ANXA8: variants seen among roughly 807,000 people sequenced by gnomAD.
ANXA8 encodes VAC-beta.
ANXA8 carries 9 observed loss-of-function variants against 26.8 expected under a neutral mutation model. The ratio of observed to expected loss-of-function variants is 0.34; its 90% confidence interval spans 0.20 to 0.59. The LOEUF is 0.59. Among genes scored for constraint, ANXA8 ranks in the 20% least tolerant of loss-of-function variants. ANXA8 has a pLI of 0.84. For synonymous variants in ANXA8, 39 were observed against 94.8 expected, an observed-to-expected ratio of 0.41 and a Z score of 3.42; for missense variants, 83 against 238.5, an observed-to-expected ratio of 0.35 and a Z score of 4.29.
the ANXA8 span, among the ~76,000 whole-genome samples, chr10:47,737,549 C>G: frequency 1.2e-4 from 18 of 151,906 alleles, no homozygotes; most frequent in Non-Finnish European, 1.3e-4. Flanking sequence ...CAGAACCATA[C>G]AGTTAGAATT....
the ANXA8 span, chr10:47,563,801 T>C: frequency 2.9e-6 from 2 of 694,654 alleles, no homozygotes; most frequent in Non-Finnish European, 5.2e-6. Context: ...TTTTTTAAGT[T>C]GTACTCTTTA....
the ANXA8 span, among the ~76,000 whole-genome samples, chr10:47,500,936 CAGGCTGG>C: frequency 8.7e-6 from 1 of 114,680 alleles, no homozygotes; most frequent in African/African-American, 3.6e-5. Context: ...CTTGGTCGCC[CAGGCTGG>C]AGTGCAGTGG....
chr10:47,485,851 G>A (rs1241924405), upstream of ANXA8, among the ~76,000 whole-genome samples: 1 of 151,914 alleles, frequency 6.6e-6, no homozygotes. Context: ...GCTCACGCCT[G>A]TAATCCCAGC....
At chr10:47,673,740 A>G in the ANXA8 span, among the ~76,000 whole-genome samples, 1 of 151,834 alleles carries the variant, frequency 6.6e-6, no homozygotes, top group Non-Finnish European at 1.5e-5. Flanking sequence ...TAGTATAGAG[A>G]GTTCCCATAA....
chr10:47,733,229 T>TTCTCTCTCTC, the ANXA8 span, among the ~76,000 whole-genome samples: 3 of 67,852 alleles, frequency 4.4e-5, no homozygotes, highest in Non-Finnish European at 3.0e-5. Context: ...TTCTCTTTCT[T>TTCTCTCTCTC]TCTCTCTTTC....
the ANXA8 span, among the ~76,000 whole-genome samples, chr10:47,743,221 C>T: frequency 7.5e-6 from 1 of 132,814 alleles, no homozygotes; most frequent in African/African-American, 2.8e-5. Flanking sequence ...TCAATGCAAT[C>T]CCAATCAAAA....
chr10:47,637,477 C>G, the ANXA8 span, among the ~76,000 whole-genome samples: 1 of 148,896 alleles, frequency 6.7e-6, no homozygotes, highest in Admixed American at 6.6e-5. Context: ...TCTGCTTACA[C>G]AGAAAATCTG....
At chr10:47,560,616 C>T in the ANXA8 span, among the ~76,000 whole-genome samples, 1 of 151,926 alleles carries the variant, frequency 6.6e-6, no homozygotes, top group Admixed American at 6.6e-5. Flanking sequence ...CCAGATTCCC[C>T]ATGTGCGATG....
chr10:47,679,941 T>TA, the ANXA8 span, among the ~76,000 whole-genome samples: 1 of 152,070 alleles, frequency 6.6e-6, no homozygotes, highest in East Asian at 1.9e-4. Context: ...AAACCAATGT[T>TA]ACAATGAGAA....
At chr10:47,761,109 C>CAT in the ANXA8 span, among the ~76,000 whole-genome samples, 1 of 149,340 alleles carries the variant, frequency 6.7e-6, no homozygotes, top group African/African-American at 2.5e-5. Context: ...CACGCACACA[C>CAT]ACACACACAC....
chr10:47,896,867 C>A, the ANXA8 span, among the ~76,000 whole-genome samples: 1 of 151,962 alleles, frequency 6.6e-6, no homozygotes, highest in African/African-American at 2.4e-5. Flanking sequence ...CAATTGAATA[C>A]CAGCACCAAG....
the ANXA8 span, among the ~76,000 whole-genome samples, chr10:47,972,201 GAA>G: frequency 1.3e-5 from 2 of 149,766 alleles, no homozygotes. Flanking sequence ...TGAGGCAGAG[GAA>G]GTGAGGCTCA....
the ANXA8 span, among the ~76,000 whole-genome samples, chr10:47,746,714 ACCACCTCCAG>A: frequency 7.2e-6 from 1 of 138,266 alleles, no homozygotes; most frequent in Non-Finnish European, 1.6e-5. Context: ...CCTAGCTCAG[ACCACCTCCAG>A]CCAACCCACA....
At chr10:47,733,143 ATCTTTCTTTCTT>A in the ANXA8 span, among the ~76,000 whole-genome samples, 772 of 97,968 alleles carry the variant, frequency 7.9e-3, 11 homozygotes, top group African/African-American at 0.014. Flanking sequence ...CAACTCCCTA[ATCTTTCTTTCTT>A]TCTTTCTTTC....
upstream of ANXA8, chr10:47,484,583 A>G: frequency 4.7e-6 from 6 of 1,275,932 alleles, no homozygotes; most frequent in Middle Eastern, 2.7e-4. Flanking sequence ...CCTCAGCTCC[A>G]TCACCCCCCA....
chr10:47,977,516 C>T, the ANXA8 span, among the ~76,000 whole-genome samples: 1 of 150,762 alleles, frequency 6.6e-6, no homozygotes, highest in South Asian at 2.1e-4. Context: ...TTTTAGAACA[C>T]GTCTTAAAAA....
the ANXA8 span, among the ~76,000 whole-genome samples, chr10:47,508,071 T>G: frequency 2.5e-4 from 34 of 133,762 alleles, no homozygotes; most frequent in Middle Eastern, 3.8e-3. Context: ...ATTTTTTTTT[T>G]GGGGGGGTGG....
upstream of ANXA8, among the ~76,000 whole-genome samples, chr10:47,485,000 G>C (rs1459888908): frequency 6.8e-6 from 1 of 147,082 alleles, no homozygotes; most frequent in African/African-American, 2.5e-5. Flanking sequence ...AAACCTGGCC[G>C]CCGCCATCCC....
chr10:47,666,841 T>C, the ANXA8 span, among the ~76,000 whole-genome samples: 1 of 151,996 alleles, frequency 6.6e-6, no homozygotes. Context: ...CCTCAACTCA[T>C]AGGTATTTGG....
Sources: allele counts gnomAD v4.1 joint callset (sites outside exome capture counted in the v4.1 genomes callset), GRCh38; gene constraint gnomAD v4.1.1; transcripts MANE v1.5; gene names NCBI Gene and HGNC (gene_info 2026-07-23, HGNC 2026-07-21).